LEMD1: variants seen among roughly 807,000 people sequenced by gnomAD.
LEMD1 encodes LEM domain containing 1.
A neutral mutation model predicts 17.4 loss-of-function variants in LEMD1; 18 were observed. The observed-to-expected ratio is 1.04, with a 90% CI of 0.72 to 1.54. The LOEUF (loss-of-function observed/expected upper bound fraction) is 1.54, where lower values mean the gene tolerates loss of function less well. LEMD1 is among the 40% of genes most tolerant of loss of function. The pLI is 0.00. For synonymous variants in LEMD1, 88 were observed against 77.8 expected (o/e 1.13, Z -0.69); for missense variants, 195 against 210.4 (o/e 0.93, Z 0.45).
chr1:205,387,306 A>G (rs1664079992), intron 4 of LEMD1: 1 of 152,150 alleles, frequency 6.6e-6, no homozygotes, highest in South Asian at 2.1e-4. Context: ...TAACAGGGAA[A>G]AGCATTATTG....
chr1:205,443,227 G>A (rs1427517795), intron 1 of LEMD1, among the ~76,000 whole-genome samples: 1 of 152,116 alleles, frequency 6.6e-6, no homozygotes, highest in Non-Finnish European at 1.5e-5. Context: ...ACTAAAACAA[G>A]CCAGGCAGGT....
chr1:205,433,295 A>G (rs1208202504), intron 1 of LEMD1, among the ~76,000 whole-genome samples: 1 of 152,144 alleles, frequency 6.6e-6, no homozygotes, highest in Non-Finnish European at 1.5e-5. Context: ...CGTCTCTACT[A>G]AAAATACAAA....
chr1:205,424,915 A>C (rs969038624), upstream of LEMD1, among the ~76,000 whole-genome samples: 2 of 152,226 alleles, frequency 1.3e-5, no homozygotes, highest in African/African-American at 4.8e-5. Flanking sequence ...TGGAGGCTAC[A>C]AGACTCCTTG....
chr1:205,442,498 G>A (rs568749003), intron 1 of LEMD1, among the ~76,000 whole-genome samples: 15 of 152,300 alleles, frequency 9.8e-5, no homozygotes. Context: ...ACAGAGCCAA[G>A]GCCCACACCA....
intron 4 of LEMD1, among the ~76,000 whole-genome samples, chr1:205,412,322 T>C (rs1414809896): frequency 6.6e-6 from 1 of 151,298 alleles, no homozygotes; most frequent in Non-Finnish European, 1.5e-5. Context: ...ATGGAAAAAA[T>C]CCCCAATTAA....
At chr1:205,394,138 A>G (rs1664474246) in intron 4 of LEMD1, among the ~76,000 whole-genome samples, 1 of 128,398 alleles carries the variant, frequency 7.8e-6, no homozygotes, top group Admixed American at 1.0e-4. Flanking sequence ...GATTCCATTT[A>G]TGTGAAATCT....
rs551300291 is a variant in LEMD1, at chr1:205,411,338, C to T, written c.270+4894G>A. 7.9e-5 allele frequency among the ~76,000 whole-genome samples: 12 copies of T among 151,550 alleles called. No individual in the cohort carries two copies. The South Asian group carries it at 1.9e-3, about 24-fold the overall frequency. On this transcript the variant is annotated intron_variant, in intron 4 of 5. Transcript: ENST00000367153. ...ATCCCAGCACTTTGGGAGGCCGAGG[C>T]GGGCGGATCACGAGGTCAGGAGATC... is the stretch of plus-strand genomic sequence containing the variant.
At chr1:205,390,311 C>T (rs961030926) in intron 4 of LEMD1, among the ~76,000 whole-genome samples, 9 of 151,382 alleles carry the variant, frequency 5.9e-5, no homozygotes, top group African/African-American at 9.7e-5. Flanking sequence ...GCCGAGATTA[C>T]GCCACTGCAC....
At chr1:205,410,695 G>C (rs1665347625) in intron 4 of LEMD1, among the ~76,000 whole-genome samples, 3 of 152,028 alleles carry the variant, frequency 2.0e-5, no homozygotes, top group Admixed American at 1.3e-4. Context: ...GGGCAGGGGT[G>C]GGGTGGAGAC....
chr1:205,392,641 A>C (rs1664397768), intron 4 of LEMD1, among the ~76,000 whole-genome samples: 1 of 152,144 alleles, frequency 6.6e-6, no homozygotes, highest in Non-Finnish European at 1.5e-5. Flanking sequence ...TTGAAGATAG[A>C]ACAATATAAA....
chr1:205,401,326 G>A (rs927337626), intron 4 of LEMD1, among the ~76,000 whole-genome samples: 1 of 152,182 alleles, frequency 6.6e-6, no homozygotes, highest in African/African-American at 2.4e-5. Context: ...GTGTAAAAGT[G>A]TTCCTATTTC....
chr1:205,437,783 T>C (rs1219414330), intron 1 of LEMD1: 1 of 152,166 alleles, frequency 6.6e-6, no homozygotes, highest in East Asian at 1.9e-4. Flanking sequence ...GTCTCAGAAA[T>C]AAGACATGAC....
chr1:205,442,236 C>G (rs564368134), intron 1 of LEMD1, among the ~76,000 whole-genome samples: 4 of 152,042 alleles, frequency 2.6e-5, no homozygotes, highest in Non-Finnish European at 1.5e-5. Context: ...CCAAGTGCTG[C>G]GGGGAAGGAG....
At chr1:205,446,991 G>A (rs1195661852) in intron 1 of LEMD1, among the ~76,000 whole-genome samples, 1 of 152,254 alleles carries the variant, frequency 6.6e-6, no homozygotes, top group Non-Finnish European at 1.5e-5. Context: ...GGTGATTGGA[G>A]TTGGGCCACG....
upstream of LEMD1, among the ~76,000 whole-genome samples, chr1:205,422,687 C>T (rs1395225915): frequency 6.6e-6 from 1 of 152,156 alleles, no homozygotes; most frequent in Non-Finnish European, 1.5e-5. Flanking sequence ...TATTAGCCTG[C>T]ATCTTTCAAG....
intron 4 of LEMD1, among the ~76,000 whole-genome samples, chr1:205,389,047 T>C (rs908569706): frequency 1.5e-3 from 114 of 76,952 alleles, no homozygotes; most frequent in Non-Finnish European, 2.1e-3. Context: ...CTTTTTTTTT[T>C]TTTTTTTTTT....
At chr1:205,440,028 T>C (rs7552574) in intron 1 of LEMD1, among the ~76,000 whole-genome samples, 133,066 of 151,928 alleles carry the variant, frequency 0.88, 59,316 homozygotes, top group East Asian at 0.99. Flanking sequence ...GAGTTTCCAC[T>C]GAAGGCACCA....
chr1:205,417,594 C>G (rs928529472), intron 3 of LEMD1, among the ~76,000 whole-genome samples: 4 of 152,078 alleles, frequency 2.6e-5, no homozygotes, highest in African/African-American at 9.7e-5. Flanking sequence ...GCCACTTTCC[C>G]TGAGGCACCC....
Position 205,416,306 on chromosome 1 carries a change from G to T in LEMD1, c.206-10C>A. 6.5e-7 allele frequency: 1 copy of T among 1,539,802 alleles called. No individual in the cohort carries two copies. The highest frequency in any genetic ancestry group is 1.2e-5 in the South Asian group (1 of 82,856). On this transcript the variant is annotated splice_polypyrimidine_tract_variant and intron_variant, in intron 3 of 5. Coordinates refer to ENST00000367153, the MANE Select transcript of LEMD1 (RefSeq NM_001199050.2). ...AAAATGATATTAAGCTCTGGATCATGGGAAACAAAAGGAAAATAGGCCATG... is the reference window on the plus strand; with the variant it reads ...AAAATGATATTAAGCTCTGGATCATTGGAAACAAAAGGAAAATAGGCCATG...
Sources: gnomAD v4.1 joint callset for allele counts (sites outside exome capture counted in the v4.1 genomes callset) on GRCh38, gnomAD v4.1.1 for gene constraint, MANE v1.5 for transcripts, NCBI Gene and HGNC (gene_info 2026-07-23, HGNC 2026-07-21) for gene names.